Variants in NPAS3 observed in about 807,000 individuals in gnomAD.
The protein encoded by NPAS3 is neuronal PAS domain protein 3.
NPAS3 carries 14 observed loss-of-function variants against 73.1 expected under a neutral mutation model. The ratio of observed to expected loss-of-function variants is 0.19; its 90% CI spans 0.13 to 0.30. NPAS3 has a LOEUF of 0.30. Among genes scored for constraint, NPAS3 ranks in the 10% least tolerant of loss-of-function variants. NPAS3 has a pLI of 1.00. For synonymous variants in NPAS3, 620 were observed against 541.5 expected (o/e 1.14, Z -2.01); for missense variants, 1,096 against 1,250.0 (o/e 0.88, Z 1.86).
intron 1 of NPAS3, among the ~76,000 whole-genome samples, chr14:32,948,462 C>G (rs1255191905): frequency 6.6e-6 from 1 of 152,076 alleles, no homozygotes; most frequent in East Asian, 1.9e-4. Flanking sequence ...ATAACCCCAT[C>G]TTTAGGTTTT....
chr14:33,034,019 A>G (rs1007854378), intron 1 of NPAS3, among the ~76,000 whole-genome samples: 2 of 152,208 alleles, frequency 1.3e-5, no homozygotes, highest in Non-Finnish European at 2.9e-5. Flanking sequence ...TCAGATAATC[A>G]GTAATTCTGA....
chr14:33,509,886 A>T (rs1400969686), intron 4 of NPAS3, among the ~76,000 whole-genome samples: 1 of 152,042 alleles, frequency 6.6e-6, no homozygotes, highest in Non-Finnish European at 1.5e-5. Context: ...AATTCAACTT[A>T]AGAGTTGTTG....
chr14:33,344,931 C>T, intron 3 of NPAS3, among the ~76,000 whole-genome samples: 1 of 152,094 alleles, frequency 6.6e-6, no homozygotes, highest in East Asian at 1.9e-4. Flanking sequence ...CACCCTGCCT[C>T]CCATTCCTCC....
chr14:33,539,721 C>T (rs1273642833), intron 4 of NPAS3, among the ~76,000 whole-genome samples: 1 of 152,138 alleles, frequency 6.6e-6, no homozygotes, highest in Non-Finnish European at 1.5e-5. Flanking sequence ...GCTTTGAAAA[C>T]CAATGGCATG....
chr14:33,476,650 T>G (rs1452007236), intron 4 of NPAS3, among the ~76,000 whole-genome samples: 1 of 152,218 alleles, frequency 6.6e-6, no homozygotes. Flanking sequence ...GGACAGTTGT[T>G]TCTGTTTCAT....
At chr14:33,100,543 A>G (rs541895955) in intron 2 of NPAS3, among the ~76,000 whole-genome samples, 15 of 152,254 alleles carry the variant, frequency 9.9e-5, no homozygotes, top group Non-Finnish European at 2.2e-4. Flanking sequence ...CTTTGGGTAA[A>G]CTGTTACCTA....
intron 2 of NPAS3, among the ~76,000 whole-genome samples, chr14:33,137,904 T>G (rs777911207): frequency 6.6e-6 from 1 of 152,128 alleles, no homozygotes; most frequent in Non-Finnish European, 1.5e-5. Context: ...CAATAGTTTT[T>G]GGGGAGAAAG....
chr14:33,333,697 T>C (rs2044089758), intron 3 of NPAS3, among the ~76,000 whole-genome samples: 1 of 152,130 alleles, frequency 6.6e-6, no homozygotes, highest in South Asian at 2.1e-4. Context: ...TCCAAACAGT[T>C]AAGAAGTTGA....
chr14:32,954,693 T>G (rs1331341289), intron 1 of NPAS3, among the ~76,000 whole-genome samples: 1 of 152,162 alleles, frequency 6.6e-6, no homozygotes, highest in African/African-American at 2.4e-5. Context: ...CTCTTCTATC[T>G]TGCCTTTTAA....
At chr14:33,413,771 A>G (rs1348909304) in intron 4 of NPAS3, among the ~76,000 whole-genome samples, 3 of 152,132 alleles carry the variant, frequency 2.0e-5, no homozygotes, top group Non-Finnish European at 2.9e-5. Context: ...GTAAGAATGC[A>G]AAGTATCGTT....
intron 4 of NPAS3, among the ~76,000 whole-genome samples, chr14:33,414,919 A>G (rs2048085886): frequency 6.6e-6 from 1 of 152,120 alleles, no homozygotes; most frequent in African/African-American, 2.4e-5. Context: ...AATAGATAAG[A>G]CATTTGAATG....
At chr14:33,203,314 T>A (rs1016372814) in intron 2 of NPAS3, among the ~76,000 whole-genome samples, 3 of 152,210 alleles carry the variant, frequency 2.0e-5, no homozygotes, top group South Asian at 2.1e-4. Flanking sequence ...TGTCTTTTTT[T>A]ATTTTATTTT....
chr14:33,080,236 T>A (rs981568128), intron 2 of NPAS3, among the ~76,000 whole-genome samples: 2 of 152,124 alleles, frequency 1.3e-5, no homozygotes, highest in East Asian at 3.9e-4. Flanking sequence ...GCCTCCCGAG[T>A]AGCTGGGACT....
At chr14:33,521,979 T>C (rs2053577573) in intron 4 of NPAS3, among the ~76,000 whole-genome samples, 4 of 152,178 alleles carry the variant, frequency 2.6e-5, no homozygotes, top group Non-Finnish European at 5.9e-5. Flanking sequence ...AATCTAGCCC[T>C]TTGGAAGCCT....
chr14:33,099,910 G>A (rs908572299), intron 2 of NPAS3, among the ~76,000 whole-genome samples: 2 of 151,998 alleles, frequency 1.3e-5, no homozygotes, highest in Non-Finnish European at 2.9e-5. Context: ...GAAACAATAA[G>A]GTGAGAAATA....
At chr14:33,412,117 TTTTATTATTTATTTATTTATAG>T (rs1478893344) in intron 4 of NPAS3, among the ~76,000 whole-genome samples, 1 of 144,404 alleles carries the variant, frequency 6.9e-6, no homozygotes, top group Non-Finnish European at 1.5e-5. Flanking sequence ...GAAATATGCT[TTTTATTATTTATTTATTTATAG>T]ACAGGGTCTC....
In NPAS3 at chr14:33,376,144, G is replaced by A. The variant is rs117405891; in HGVS notation, c.468+8876G>A. On this transcript the variant is annotated intron_variant, in intron 4 of 11. Transcript: ENST00000356141. ...ATCAAACAGAGGTTGATTGTAAACCGTTATTTCCCTATATTGTACTGCCTT... is the reference window on the plus strand; with the variant it reads ...ATCAAACAGAGGTTGATTGTAAACCATTATTTCCCTATATTGTACTGCCTT... Among the ~76,000 whole-genome samples, 52 of 152,164 alleles carry A rather than the reference G, an allele frequency of 3.4e-4. 1 individual carries two copies. The East Asian group carries it at 9.7e-3, about 28-fold the overall frequency.
upstream of NPAS3, among the ~76,000 whole-genome samples, chr14:32,936,161 A>G (rs201396461): frequency 6.6e-6 from 1 of 152,256 alleles, no homozygotes; most frequent in East Asian, 1.9e-4. Flanking sequence ...ATAATCTATC[A>G]CTGCCATATT....
At chr14:33,427,809 T>C (rs1450449868) in intron 4 of NPAS3, among the ~76,000 whole-genome samples, 1 of 152,120 alleles carries the variant, frequency 6.6e-6, no homozygotes, top group Non-Finnish European at 1.5e-5. Context: ...TAAGTGACTC[T>C]TTGCAGATCA....
Sources: allele counts gnomAD v4.1 joint callset (sites outside exome capture counted in the v4.1 genomes callset), GRCh38; gene constraint gnomAD v4.1.1; transcripts MANE v1.5; gene names NCBI Gene and HGNC (gene_info 2026-07-23, HGNC 2026-07-21).